HDGF: variants seen among roughly 807,000 people sequenced by gnomAD.
The protein encoded by HDGF is heparin binding growth factor.
Under a neutral mutation model 30.0 loss-of-function variants are expected in HDGF, and 5 were observed. That is an observed-to-expected ratio of 0.17 (90% CI 0.09 to 0.35). The LOEUF is 0.35. Among genes scored for constraint, HDGF ranks in the 10% least tolerant of loss-of-function variants. The pLI is 1.00. For synonymous variants in HDGF, 133 were observed against 112.7 expected (o/e 1.18, Z -1.14); for missense variants, 214 against 302.8 (o/e 0.71, Z 2.18).
chr1:156,755,622 G>A (rs1183578068), upstream of HDGF: 1 of 152,210 alleles, frequency 6.6e-6, no homozygotes, highest in African/African-American at 2.4e-5. Context: ...TCAACACTGT[G>A]TGACCTACTC....
upstream of HDGF, chr1:156,755,660 AC>A (rs1237205036): frequency 3.3e-5 from 5 of 152,096 alleles, no homozygotes; most frequent in Non-Finnish European, 7.3e-5. Flanking sequence ...CCCAAGTTAC[AC>A]CCTCTGTAAA....
Position 156,751,304 on chromosome 1 carries a change from C to T in HDGF, c.87+39G>A. 1 of 1,591,852 alleles carries T rather than the reference C, an allele frequency of 6.3e-7. No individual in the cohort carries two copies. Among genetic ancestry groups the T allele is most frequent in the Non-Finnish European group, 8.6e-7 (1 of 1,168,096 alleles). On this transcript the variant is annotated intron_variant, in intron 1 of 5. Transcript: ENST00000357325. The surrounding 1 kb of genome is among the most constrained non-coding windows in gnomAD (Gnocchi z 4.7). Reference sequence around the variant, plus strand: ...CCTTCCCGGTGTTATGCAACCCAAGCCCGCAGGGGGTTAGGGGGCGGCGGG... The same window carrying T: ...CCTTCCCGGTGTTATGCAACCCAAGTCCGCAGGGGGTTAGGGGGCGGCGGG...
intron 3 of HDGF, 169 bp from the exon 4 acceptor site, chr1:156,744,517 C>G: frequency 6.4e-7 from 1 of 1,571,790 alleles, no homozygotes; most frequent in Non-Finnish European, 8.6e-7. Context: ...CGGATTAGCC[C>G]CGGGGTAAAC....
At chr1:156,758,621 A>AAATAAAT (rs1558039777) in intron 2 of HDGF, among the ~76,000 whole-genome samples, 1 of 148,256 alleles carries the variant, frequency 6.7e-6, no homozygotes, top group African/African-American at 2.5e-5. Flanking sequence ...ATAAATAAAT[A>AAATAAAT]AAAAAAATTA....
At chr1:156,754,628 C>T (rs1009245778), upstream of HDGF, among the ~76,000 whole-genome samples, 1 of 152,180 alleles carries the variant, frequency 6.6e-6, no homozygotes, top group African/African-American at 2.4e-5. Context: ...ATCAAATCAC[C>T]TGGGAATCCC....
chr1:156,747,203 G>C (rs1650617105), intron 1 of HDGF, among the ~76,000 whole-genome samples: 2 of 97,648 alleles, frequency 2.0e-5, no homozygotes, highest in African/African-American at 7.7e-5. Flanking sequence ...CCGCCCCCGG[G>C]GCCACTCAGC....
At chr1:156,756,752 G>T (rs1279589667), upstream of HDGF, among the ~76,000 whole-genome samples, 5 of 150,260 alleles carry the variant, frequency 3.3e-5, no homozygotes, top group Non-Finnish European at 7.4e-5. Context: ...TCTGTATATA[G>T]ATACAACACA....
At chr1:156,761,928 A>G (rs1276953352) in intron 1 of HDGF, among the ~76,000 whole-genome samples, 4 of 132,438 alleles carry the variant, frequency 3.0e-5, no homozygotes, top group African/African-American at 1.2e-4. Context: ...GCCTGGCAAC[A>G]GTCTCCATCT....
upstream of HDGF, chr1:156,752,100 C>A: frequency 6.4e-7 from 1 of 1,551,564 alleles, no homozygotes; most frequent in Non-Finnish European, 8.7e-7. Context: ...GCCCTCTGCT[C>A]CATCTCAATC....
chr1:156,742,513 G>C lies in HDGF; in HGVS notation c.*936C>G, dbSNP rs1650193697. 1 of 152,408 alleles carries C rather than the reference G, an allele frequency of 6.6e-6. No individual in the cohort carries two copies. The highest frequency in any genetic ancestry group is 6.6e-5 in the Admixed American group (1 of 15,232). The allele number at this position is 152,408 out of a possible 1,614,324, so 9.4% of individuals were successfully genotyped here. A position where few individuals can be genotyped will look rare whatever the true frequency, so the allele number is the denominator to read the frequency against. ...AGAATGGAGAGCACACAAAGGGTTAGGGGTCTTTAAAATTTTTTTTTGTAA... is the reference window on the plus strand; with the variant it reads ...AGAATGGAGAGCACACAAAGGGTTACGGGTCTTTAAAATTTTTTTTTGTAA... On this transcript the variant is annotated 3_prime_UTR_variant, in exon 6 of 6. Coordinates refer to ENST00000357325, the MANE Select transcript of HDGF (RefSeq NM_004494.3).
intron 2 of HDGF, among the ~76,000 whole-genome samples, chr1:156,758,726 T>A (rs896342721): frequency 2.7e-5 from 4 of 150,872 alleles, no homozygotes; most frequent in Non-Finnish European, 5.9e-5. Context: ...TGCAGTGAGC[T>A]GAGATCGCGC....
intron 1 of HDGF, among the ~76,000 whole-genome samples, chr1:156,766,161 A>G (rs188591808): frequency 1.3e-5 from 2 of 152,318 alleles, no homozygotes; most frequent in East Asian, 3.9e-4. Context: ...TTGTCTCTGA[A>G]GGGTGGAGAG....
chr1:156,749,280 G>A (rs1650806478), intron 1 of HDGF, among the ~76,000 whole-genome samples: 1 of 152,358 alleles, frequency 6.6e-6, no homozygotes, highest in Middle Eastern at 3.4e-3. Context: ...AGATGGACGA[G>A]TCAGTGAGGT....
In HDGF at chr1:156,751,263, CG is replaced by C. The variant is rs906136553; in HGVS notation, c.87+79del. On this transcript the variant is annotated intron_variant, in intron 1 of 5. Transcript: ENST00000357325. This position sits in a 1 kb window ranked among gnomAD's most constrained non-coding sequence, Gnocchi z 4.7. Reference sequence around the variant, plus strand: ...CCTGCCCCCACCTCTGCCCGCTCCGCGCGGAGCGCTCGTGCCCTTCCCGGTG... The same window carrying C: ...CCTGCCCCCACCTCTGCCCGCTCCGCCGGAGCGCTCGTGCCCTTCCCGGTG... 16 of 1,511,542 alleles carry C rather than the reference CG, an allele frequency of 1.1e-5. No homozygotes were observed. In the African/African-American group the frequency reaches 1.9e-4, roughly 17 times the overall value. The allele number at this position is 1,511,542 out of a possible 1,614,324, so 93.6% of individuals were successfully genotyped here.
rs143044108 is a variant in HDGF at position 156,750,031 on chromosome 1, G to C, written c.87+1312C>G. Among the ~76,000 whole-genome samples, 461 of 152,306 alleles carry C rather than the reference G, an allele frequency of 3.0e-3. 1 individual carries two copies. The highest frequency in any genetic ancestry group is 0.01 in the African/African-American group (421 of 41,556). ...AAGCCGGTCCTCATTTGATCCATCT[G>C]AAAGTTTCACGGAACCAGGAGCTCA... is the stretch of plus-strand genomic sequence containing the variant. On this transcript the variant is annotated intron_variant, in intron 1 of 5. Transcript: ENST00000357325.
At chr1:156,764,822 G>A (rs1483978278) in intron 1 of HDGF, among the ~76,000 whole-genome samples, 1 of 150,918 alleles carries the variant, frequency 6.6e-6, no homozygotes, top group Admixed American at 6.6e-5. Flanking sequence ...GGAGGTGGAG[G>A]TTGCGGTGAG....
At chr1:156,753,840 G>A (rs6666701), upstream of HDGF, among the ~76,000 whole-genome samples, 8,644 of 152,200 alleles carry the variant, frequency 0.057, 382 homozygotes, top group African/African-American at 0.12. Flanking sequence ...GTGAGCCACC[G>A]TGTCCGGCCT....
chr1:156,765,839 G>C (rs1319975962), intron 1 of HDGF, among the ~76,000 whole-genome samples: 1 of 152,160 alleles, frequency 6.6e-6, no homozygotes, highest in Non-Finnish European at 1.5e-5. Context: ...ACAGTCACCA[G>C]AGAGTACGTT....
At chr1:156,757,158 CAT>C (rs888769502), upstream of HDGF, among the ~76,000 whole-genome samples, 10 of 151,870 alleles carry the variant, frequency 6.6e-5, no homozygotes, top group Non-Finnish European at 1.0e-4. Context: ...CTGGCCAACA[CAT>C]GTGGACATTT....
Sources: allele counts gnomAD v4.1 joint callset (sites outside exome capture counted in the v4.1 genomes callset), GRCh38; gene constraint gnomAD v4.1.1; non-coding constraint Gnocchi (gnomAD v3.1); transcripts MANE v1.5; gene names NCBI Gene and HGNC (gene_info 2026-07-23, HGNC 2026-07-21).